Variants in SMURF1 observed in about 807,000 individuals in gnomAD.
The protein encoded by SMURF1 is SMAD specific E3 ubiquitin protein ligase 1, also known as E3 ubiquitin-protein ligase SMURF1.
A neutral mutation model predicts 98.0 loss-of-function variants in SMURF1; 44 were observed. The observed-to-expected ratio is 0.45, with a 90% CI of 0.35 to 0.58. The LOEUF is 0.58. SMURF1 is among the 20% of genes least tolerant of loss of function. The pLI, the probability that SMURF1 is intolerant of heterozygous loss-of-function variation, is 0.00. For missense variants in SMURF1, 687 were observed against 938.4 expected (o/e 0.73, Z 3.50); for synonymous variants, 396 against 374.9 (o/e 1.06, Z -0.65).
intron 16 of SMURF1, 180 bp downstream of exon 16, chr7:99,035,335 T>C: frequency 2.5e-6 from 2 of 785,398 alleles, no homozygotes; most frequent in Non-Finnish European, 4.0e-6. Flanking sequence ...CCACACCTGC[T>C]CACACACGGC....
intron 11 of SMURF1, among the ~76,000 whole-genome samples, chr7:99,044,070 G>A (rs528441944): frequency 6.6e-6 from 1 of 152,304 alleles, no homozygotes; most frequent in Admixed American, 6.5e-5. Context: ...CTACTGGGGA[G>A]GGAAGCCAAG....
intron 2 of SMURF1, 126 bp from the exon 3 acceptor site, chr7:99,060,833 G>T (rs1054977196): frequency 7.0e-6 from 4 of 574,840 alleles, no homozygotes; most frequent in African/African-American, 5.7e-5. Context: ...TGTCTATTGA[G>T]CTTTCTAAGA....
At chr7:99,031,553 A>T (rs1351098019) in intron 17 of SMURF1, 5 of 152,314 alleles carry the variant, frequency 3.3e-5, no homozygotes, top group African/African-American at 1.2e-4. Context: ...CATACTTTCC[A>T]CATCCATCTA....
intron 1 of SMURF1, among the ~76,000 whole-genome samples, chr7:99,070,558 A>T (rs1433684534): frequency 6.6e-6 from 1 of 152,034 alleles, no homozygotes; most frequent in Non-Finnish European, 1.5e-5. Context: ...TGTGTCTTTT[A>T]TTCTTAACCA....
At position 99,052,373 on chromosome 7, in the gene SMURF1, T is replaced by C; in HGVS notation, c.553A>G (p.Ser185Gly). Residue 185 changes from serine (S) to glycine (G), a missense_variant, in exon 7 of 18, where the codon AGC becomes GGC. Around this residue, in one of 2 missense-constraint regions of SMURF1, gnomAD observed 415 missense variants for 508.4 expected, o/e 0.82. Transcript: ENST00000361368. ...CCTCCTCCAGCAGCAGCACCGGTGC[T>C]ATCTGTGTAAGGGGCTGGTTCCTCC... is the stretch of plus-strand genomic sequence containing the variant. ...FMEEPAPYTD[S>G]TGAAAGGGNC... 6.2e-7 allele frequency: 1 copy of C among 1,612,162 alleles called. No homozygotes were observed. Among genetic ancestry groups the C allele is most frequent in the Non-Finnish European group, 8.5e-7 (1 of 1,179,084 alleles).
chr7:99,126,363 T>C lies in SMURF1; in HGVS notation c.55+17363A>G, dbSNP rs945474025. ...GCATATATTCCTTTTTTTTTTTTTT[T>C]AATTATGGGCTGGGCTGGGTGCAGT... On this transcript the variant is annotated intron_variant, in intron 1 of 17. Coordinates refer to ENST00000361368, the MANE Select transcript of SMURF1 (RefSeq NM_181349.3). Among the ~76,000 whole-genome samples the C allele has an allele frequency of 2.0e-5, 3 of 151,190 alleles. 1 individual carries two copies. The South Asian group carries it at 6.3e-4, about 32-fold the overall frequency.
At chr7:99,060,378 CAAAAAAAAA>C (rs11340949) in intron 3 of SMURF1, among the ~76,000 whole-genome samples, 3 of 92,500 alleles carry the variant, frequency 3.2e-5, no homozygotes, top group Non-Finnish European at 4.1e-5. Context: ...GACTCCGTCT[CAAAAAAAAA>C]AAAAAAAAAA....
At chr7:99,034,381 C>T (rs1470657310) in intron 16 of SMURF1, among the ~76,000 whole-genome samples, 1 of 152,228 alleles carries the variant, frequency 6.6e-6, no homozygotes, top group Non-Finnish European at 1.5e-5. Context: ...CAGGGACTAT[C>T]TCTAAGCAGG....
intron 1 of SMURF1, among the ~76,000 whole-genome samples, chr7:99,085,021 C>T (rs1365851360): frequency 6.6e-6 from 1 of 152,084 alleles, no homozygotes; most frequent in Non-Finnish European, 1.5e-5. Flanking sequence ...CCATGTAAGA[C>T]GTGCCTGCTT....
intron 1 of SMURF1, among the ~76,000 whole-genome samples, chr7:99,128,100 G>A (rs1005960209): frequency 1.4e-4 from 22 of 152,026 alleles, no homozygotes; most frequent in African/African-American, 4.1e-4. Flanking sequence ...AAATAATATC[G>A]CTGTTTCAGA....
chr7:99,107,516 C>T (rs1797218934), intron 1 of SMURF1, among the ~76,000 whole-genome samples: 1 of 152,162 alleles, frequency 6.6e-6, no homozygotes, highest in Non-Finnish European at 1.5e-5. Context: ...TTCATTGATT[C>T]CTTAAGATCC....
chr7:99,085,313 A>G (rs1796655416), intron 1 of SMURF1, among the ~76,000 whole-genome samples: 1 of 147,966 alleles, frequency 6.8e-6, no homozygotes, highest in South Asian at 2.2e-4. Flanking sequence ...AGATCAAGCC[A>G]TTGCACTCCA....
At chr7:99,036,962 G>C in intron 15 of SMURF1, 105 bp downstream of exon 15, 1 of 1,556,818 alleles carries the variant, frequency 6.4e-7, no homozygotes, top group Non-Finnish European at 8.8e-7. Context: ...CAGCTCCTAG[G>C]CTTACTAGAA....
chr7:99,110,844 A>C, intron 1 of SMURF1, among the ~76,000 whole-genome samples: 1 of 152,256 alleles, frequency 6.6e-6, no homozygotes, highest in African/African-American at 2.4e-5. Flanking sequence ...GTACTGACTG[A>C]GTAAATTCTG....
At chr7:99,076,031 C>A (rs1239587680) in intron 1 of SMURF1, among the ~76,000 whole-genome samples, 4 of 152,162 alleles carry the variant, frequency 2.6e-5, no homozygotes, top group Non-Finnish European at 5.9e-5. Context: ...TCCCCAGTCA[C>A]CTTCTTCATG....
chr7:99,125,022 G>A lies in SMURF1; in HGVS notation c.55+18704C>T, dbSNP rs138511877. Among the ~76,000 whole-genome samples the A allele has an allele frequency of 1.0e-3, 155 of 152,208 alleles. 1 individual carries two copies. The highest frequency in any genetic ancestry group is 9.5e-3 in the East Asian group (49 of 5,176). On this transcript the variant is annotated intron_variant, in intron 1 of 17. Coordinates refer to ENST00000361368, the MANE Select transcript of SMURF1 (RefSeq NM_181349.3). ...ATTATATCCAGTACTCCACTTGCCA[G>A]ACAACCTAGAGCATAGTAGTTATTC...
At chr7:99,094,050 G>T (rs1472502667) in intron 1 of SMURF1, among the ~76,000 whole-genome samples, 1 of 152,112 alleles carries the variant, frequency 6.6e-6, no homozygotes, top group African/African-American at 2.4e-5. Flanking sequence ...GTGTGTGCGT[G>T]ATGTGTGTGT....
At chr7:99,140,114 T>C (rs1268986360) in intron 1 of SMURF1, among the ~76,000 whole-genome samples, 1 of 152,094 alleles carries the variant, frequency 6.6e-6, no homozygotes. Context: ...TCTCATTTGA[T>C]ATATAAAGAA....
At position 99,075,121 on chromosome 7, in the gene SMURF1, AATT is replaced by A. The variant is rs144066078; in HGVS notation, c.56-13287_56-13285del. Among the ~76,000 whole-genome samples, 1,218 of 152,166 alleles carry A rather than the reference AATT, an allele frequency of 8.0e-3. 10 individuals carry two copies. The highest frequency in any genetic ancestry group is 0.025 in the African/African-American group (1,052 of 41,512). ...CCTGACTCCTGGAGACATTCTAGCA[AATT>A]ATTATTATTTTGAGACAGGGTCTAC... On this transcript the variant is annotated intron_variant, in intron 1 of 17. Coordinates refer to ENST00000361368, the MANE Select transcript of SMURF1 (RefSeq NM_181349.3).
Sources: gnomAD v4.1 joint callset for allele counts (sites outside exome capture counted in the v4.1 genomes callset) on GRCh38, gnomAD v4.1.1 for gene constraint, gnomAD v4.1.1 regional missense constraint, MANE v1.5 for transcripts, NCBI Gene and HGNC (gene_info 2026-07-23, HGNC 2026-07-21) for gene names.